The following RBFOX1 variants were observed in gnomAD, a reference collection of about 807,000 sequenced individuals.
The protein encoded by RBFOX1 is RNA binding fox-1 homolog 1.
A neutral mutation model predicts 57.7 loss-of-function variants in RBFOX1; 8 were observed. That is an observed-to-expected ratio of 0.14 (90% CI 0.08 to 0.25). RBFOX1 has a LOEUF of 0.25. Ranked by LOEUF, RBFOX1 falls within the 10% of genes least tolerant of loss-of-function variation. RBFOX1 has a pLI of 1.00. For synonymous variants in RBFOX1, 326 were observed against 222.4 expected (o/e 1.47, Z -4.15); for missense variants, 611 against 548.5 (o/e 1.11, Z -1.14).
At chr16:5,695,383 G>C (rs139199079) in intron 3 of RBFOX1, among the ~76,000 whole-genome samples, 1 of 152,220 alleles carries the variant, frequency 6.6e-6, no homozygotes, top group Non-Finnish European at 1.5e-5. Flanking sequence ...GAGCAAGCAG[G>C]ATGGTAAATC....
At chr16:6,144,622 C>G (rs896259966) in intron 1 of RBFOX1, among the ~76,000 whole-genome samples, 2 of 152,192 alleles carry the variant, frequency 1.3e-5, no homozygotes, top group African/African-American at 2.4e-5. Flanking sequence ...TGACACATGT[C>G]AAGGCTCACG....
intron 2 of RBFOX1, among the ~76,000 whole-genome samples, chr16:6,632,447 G>A (rs1482718482): frequency 6.6e-6 from 1 of 152,170 alleles, no homozygotes; most frequent in East Asian, 1.9e-4. Flanking sequence ...ATATTCCTGT[G>A]GTTATGAGGA....
At chr16:5,639,057 C>G (rs1042749307) in intron 3 of RBFOX1, among the ~76,000 whole-genome samples, 1 of 152,208 alleles carries the variant, frequency 6.6e-6, no homozygotes, top group African/African-American at 2.4e-5. Flanking sequence ...TCTTCACTAA[C>G]CCCACCTTCT....
chr16:7,062,824 C>G (rs1274129096), intron 4 of RBFOX1, among the ~76,000 whole-genome samples: 1 of 143,900 alleles, frequency 6.9e-6, no homozygotes, highest in Non-Finnish European at 1.5e-5. Flanking sequence ...TGATTCCTGC[C>G]TTTATGTTTA....
intron 3 of RBFOX1, among the ~76,000 whole-genome samples, chr16:6,979,778 C>T (rs1468927376): frequency 1.3e-5 from 2 of 152,208 alleles, no homozygotes; most frequent in Non-Finnish European, 2.9e-5. Context: ...CAAAAATCAT[C>T]TCAGTGGGTA....
intron 2 of RBFOX1, among the ~76,000 whole-genome samples, chr16:6,449,683 T>C (rs1178356977): frequency 6.6e-6 from 1 of 152,188 alleles, no homozygotes; most frequent in Non-Finnish European, 1.5e-5. Flanking sequence ...ATCTCTAACG[T>C]TGCATTCTGG....
intron 14 of RBFOX1, among the ~76,000 whole-genome samples, chr16:7,708,484 CA>C (rs1291617598): frequency 9.0e-5 from 13 of 143,834 alleles, no homozygotes; most frequent in African/African-American, 3.2e-4. Flanking sequence ...GGATCAAAAC[CA>C]AATCAGTCTG....
At chr16:7,655,605 T>C (rs1299082824) in intron 12 of RBFOX1, among the ~76,000 whole-genome samples, 1 of 152,022 alleles carries the variant, frequency 6.6e-6, no homozygotes, top group Non-Finnish European at 1.5e-5. Context: ...CCCAAGATCA[T>C]GTAATGAGTT....
intron 3 of RBFOX1, among the ~76,000 whole-genome samples, chr16:6,739,455 T>C (rs12448084): frequency 0.096 from 14,630 of 151,698 alleles, 944 homozygotes; most frequent in African/African-American, 0.17. Context: ...ATTAAGGAAA[T>C]TGAATTCATA....
intron 4 of RBFOX1, among the ~76,000 whole-genome samples, chr16:7,217,895 T>TGTGTGC (rs2092351006): frequency 7.8e-6 from 1 of 129,020 alleles, no homozygotes; most frequent in Non-Finnish European, 1.7e-5. Flanking sequence ...TGTGCATGCG[T>TGTGTGC]ATGTGTGTGC....
intron 4 of RBFOX1, among the ~76,000 whole-genome samples, chr16:7,448,073 A>C (rs1486987941): frequency 1.3e-5 from 2 of 152,216 alleles, no homozygotes; most frequent in East Asian, 3.9e-4. Flanking sequence ...TCTAAGGGCC[A>C]CTGAAAGCTA....
intron 3 of RBFOX1, among the ~76,000 whole-genome samples, chr16:5,846,416 A>G (rs1356945233): frequency 6.6e-6 from 1 of 151,074 alleles, no homozygotes; most frequent in Non-Finnish European, 1.5e-5. Flanking sequence ...TATGGGCTTT[A>G]TTATCTCTGT....
intron 4 of RBFOX1, among the ~76,000 whole-genome samples, chr16:7,172,338 C>G (rs2031482987): frequency 6.6e-6 from 1 of 152,190 alleles, no homozygotes; most frequent in South Asian, 2.1e-4. Context: ...CAGTACCCTA[C>G]ACATCTTCCT....
chr16:7,404,011 T>C (rs1414284920), intron 4 of RBFOX1, among the ~76,000 whole-genome samples: 1 of 149,758 alleles, frequency 6.7e-6, no homozygotes, highest in Non-Finnish European at 1.5e-5. Flanking sequence ...TGGGAGTGCA[T>C]ATCCTGATTT....
intron 3 of RBFOX1, among the ~76,000 whole-genome samples, chr16:6,679,541 T>A (rs1318375566): frequency 6.6e-6 from 1 of 152,160 alleles, no homozygotes; most frequent in South Asian, 2.1e-4. Context: ...TGGGGAAACA[T>A]GTACAGTCAT....
intron 3 of RBFOX1, among the ~76,000 whole-genome samples, chr16:6,934,062 G>C (rs961148681): frequency 1.3e-5 from 2 of 152,202 alleles, no homozygotes; most frequent in Non-Finnish European, 2.9e-5. Context: ...GAGAGGCCTT[G>C]AGGGTAGGCG....
At chr16:7,101,794 T>C (rs1224277426) in intron 4 of RBFOX1, among the ~76,000 whole-genome samples, 2 of 152,184 alleles carry the variant, frequency 1.3e-5, no homozygotes, top group Non-Finnish European at 2.9e-5. Flanking sequence ...TGTTAGAATG[T>C]GGCAAATGCT....
intron 3 of RBFOX1, among the ~76,000 whole-genome samples, chr16:6,789,816 T>C (rs1156847560): frequency 1.3e-5 from 2 of 152,130 alleles, no homozygotes; most frequent in African/African-American, 2.4e-5. Context: ...TCTCATTTTC[T>C]GTCTTTGTGC....
chr16:5,833,557 AT>A (rs1449610450), intron 3 of RBFOX1, among the ~76,000 whole-genome samples: 2 of 151,864 alleles, frequency 1.3e-5, no homozygotes, highest in African/African-American at 4.8e-5. Flanking sequence ...GAGGCAGTCC[AT>A]TTTTGTACCT....
Sources: allele counts gnomAD v4.1 joint callset (sites outside exome capture counted in the v4.1 genomes callset), GRCh38; gene constraint gnomAD v4.1.1; transcripts MANE v1.5; gene names NCBI Gene and HGNC (gene_info 2026-07-23, HGNC 2026-07-21).